Variants in DAPK3 observed in about 807,000 individuals in gnomAD.
The protein encoded by DAPK3 is death associated protein kinase 3.
A neutral mutation model predicts 30.6 loss-of-function variants in DAPK3; 24 were observed. The observed-to-expected ratio is 0.78, with a 90% CI of 0.57 to 1.10. The LOEUF (loss-of-function observed/expected upper bound fraction) is 1.10. Ranked by LOEUF, DAPK3 falls within the 50% of genes least tolerant of loss-of-function variation. The pLI is 0.00. For missense variants in DAPK3, 629 were observed against 657.3 expected (o/e 0.96, Z 0.47); for synonymous variants, 341 against 284.0 (o/e 1.20, Z -2.02).
At chr19:3,963,743 CCCCTGTTCTAGGG>C in intron 5 of DAPK3, 74 bp from the exon 6 acceptor site, 1 of 1,354,894 alleles carries the variant, frequency 7.4e-7, no homozygotes, top group Non-Finnish European at 1.0e-6. Flanking sequence ...GCGTCCAGCG[CCCCTGTTCTAGGG>C]CAACGGTCCC....
At position 3,969,846 on chromosome 19, in the gene DAPK3, A is replaced by G. The variant is rs1255286710; in HGVS notation, c.-94-17T>C. On this transcript the variant is annotated splice_polypyrimidine_tract_variant and intron_variant, in intron 1 of 8. Transcript: ENST00000545797. ...ATGGCAACCCTGGAGAAGACAGGGA[A>G]AGACAGAAGTGAGGAACTGAGACAC... 1.4e-6 allele frequency: 1 copy of G among 733,404 alleles called. No individual in the cohort carries two copies. Among genetic ancestry groups the G allele is most frequent in the Admixed American group, 2.1e-5 (1 of 47,918 alleles). The allele number at this position is 733,404 out of a possible 1,614,324, so 45.4% of individuals were successfully genotyped here. A position where few individuals can be genotyped will look rare whatever the true frequency, so the allele number is the denominator to read the frequency against.
At chr19:3,970,866 C>G (rs1024935211) in intron 1 of DAPK3, 55 bp downstream of exon 1, 1 of 153,018 alleles carries the variant, frequency 6.5e-6, no homozygotes, top group African/African-American at 2.4e-5. Context: ...GCCCCTCGCA[C>G]GCCCGGCCGA....
chr19:3,967,778 C>T (rs1314327472), intron 2 of DAPK3, among the ~76,000 whole-genome samples: 2 of 152,152 alleles, frequency 1.3e-5, no homozygotes, highest in African/African-American at 4.8e-5. Context: ...AAAATTGCTA[C>T]ATTCTGGGCC....
intron 4 of DAPK3, 78 bp downstream of exon 4, chr19:3,964,166 C>T: frequency 7.6e-7 from 1 of 1,307,850 alleles, no homozygotes; most frequent in East Asian, 2.5e-5. Flanking sequence ...CAGCACCGGG[C>T]ATGACCCACC....
chr19:3,966,180 C>G (rs2039575643), intron 2 of DAPK3, among the ~76,000 whole-genome samples: 1 of 152,168 alleles, frequency 6.6e-6, no homozygotes, highest in Non-Finnish European at 1.5e-5. Flanking sequence ...AACCTTCAAA[C>G]CAGGTGCTGC....
At chr19:3,960,957 AGTGGGCCTGTGTCCCAT>A in intron 7 of DAPK3, 35 bp downstream of exon 7, 1 of 1,590,612 alleles carries the variant, frequency 6.3e-7, no homozygotes, top group Non-Finnish European at 8.6e-7. Context: ...CCGTGGGTGG[AGTGGGCCTGTGTCCCAT>A]GTCCCACCCC....
At chr19:3,966,377 G>A (rs1228910162) in intron 2 of DAPK3, among the ~76,000 whole-genome samples, 1 of 152,154 alleles carries the variant, frequency 6.6e-6, no homozygotes, top group Non-Finnish European at 1.5e-5. Context: ...AAGGGGACAC[G>A]ACTGGACCTG....
intron 7 of DAPK3, 54 bp from the exon 8 acceptor site, chr19:3,960,158 C>T (rs536184732): frequency 2.9e-5 from 29 of 995,732 alleles, no homozygotes; most frequent in East Asian, 2.7e-4. Flanking sequence ...CCCGTCCTCC[C>T]GTGAACAACT....
Position 3,960,075 on chromosome 19 carries a change from TC to T in DAPK3, c.811del (p.Glu271AsnfsTer27). 6.4e-7 allele frequency: 1 copy of T among 1,569,164 alleles called. No individual in the cohort carries two copies. The highest frequency in any genetic ancestry group is 8.8e-7 in the Non-Finnish European group (1 of 1,139,394). On this transcript the variant is annotated frameshift_variant, in exon 8 of 9. Coordinates refer to ENST00000545797, the MANE Select transcript of DAPK3 (RefSeq NM_001348.3). LOFTEE classifies it low-confidence loss of function (END_TRUNC). ...KRRMTIAQSLEHSWIKAIRRR... is the reference protein window; with the variant it reads ...KRRMTIAQSLXHSWIKAIRRR... ...CCCACTTACCTTAATCCAGGAATGT[TC>T]CAGGCTCTGGGCAATGGTCATTCTC... is the stretch of plus-strand genomic sequence containing the variant.
chr19:3,959,074 C>T lies in DAPK3; in HGVS notation c.*27G>A. The T allele has an allele frequency of 7.0e-7, 1 of 1,438,736 alleles. No individual in the cohort carries two copies. 89.1% of individuals were successfully genotyped at this position (1,438,736 alleles called of 1,614,324 possible). A position where few individuals can be genotyped will look rare whatever the true frequency, so the allele number is the denominator to read the frequency against. On this transcript the variant is annotated 3_prime_UTR_variant, in exon 9 of 9. Coordinates refer to ENST00000545797, the MANE Select transcript of DAPK3 (RefSeq NM_001348.3). The stretch of plus-strand genomic sequence containing the variant: ...CCACCGCAGGCCGAGCTCCGGCTGT[C>T]CTGGGGCCTGGCCCACCCCACTGCG...
intron 3 of DAPK3, 125 bp from the exon 4 acceptor site, chr19:3,964,498 C>G: frequency 8.7e-7 from 1 of 1,145,960 alleles, no homozygotes; most frequent in Admixed American, 2.5e-5. Context: ...CTCACCCCCA[C>G]GCTCCCCAAA....
At position 3,964,936 on chromosome 19, in the gene DAPK3, C is replaced by CGTACTCCTT; in HGVS notation, c.109_117dup (p.Lys37_Tyr39dup). On this transcript the variant is annotated inframe_insertion, in exon 3 of 9. Coordinates refer to ENST00000545797, the MANE Select transcript of DAPK3 (RefSeq NM_001348.3). The stretch of plus-strand genomic sequence containing the variant: ...CGGCGCTTCTTGATGAACTTGGCTG[C>CGTACTCCTT]GTACTCCTTGCCCGTGCCCTTCTGC... The CGTACTCCTT allele has an allele frequency of 6.2e-7, 1 of 1,611,986 alleles. No homozygotes were observed. Among genetic ancestry groups the CGTACTCCTT allele is most frequent in the Non-Finnish European group, 8.5e-7 (1 of 1,178,608 alleles).
intron 6 of DAPK3, among the ~76,000 whole-genome samples, chr19:3,962,857 T>C (rs1476978802): frequency 6.6e-6 from 1 of 150,922 alleles, no homozygotes; most frequent in Admixed American, 6.6e-5. Context: ...TCCCAGCACT[T>C]TGGGAAGCCG....
chr19:3,962,825 G>A (rs1449777915), intron 6 of DAPK3, among the ~76,000 whole-genome samples: 1 of 151,598 alleles, frequency 6.6e-6, no homozygotes, highest in Non-Finnish European at 1.5e-5. Flanking sequence ...AGCCAGCTGG[G>A]TGCAGCGGCC....
At chr19:3,964,568 TC>T in intron 3 of DAPK3, 62 bp downstream of exon 3, 2 of 1,321,028 alleles carry the variant, frequency 1.5e-6, no homozygotes. Flanking sequence ...TCCAGGCTCT[TC>T]CCCGCCCCAT....
intron 2 of DAPK3, among the ~76,000 whole-genome samples, chr19:3,968,595 G>A (rs2039603205): frequency 6.6e-6 from 1 of 152,166 alleles, no homozygotes; most frequent in African/African-American, 2.4e-5. Context: ...AAATCGGCGA[G>A]TTAAAAGAAA....
At chr19:3,966,456 T>C (rs2039578146) in intron 2 of DAPK3, among the ~76,000 whole-genome samples, 1 of 152,188 alleles carries the variant, frequency 6.6e-6, no homozygotes, top group South Asian at 2.1e-4. Flanking sequence ...GAACGCCTGC[T>C]GGGAAGAGAG....
rs191455077 is a variant in DAPK3 at position 3,966,604 on chromosome 19, G to A, written c.63-1613C>T. ...ACCAGGCACTGCGGGTGGCACATAA[G>A]CCCCGTCATTCACTCTGCCAGGGCG... On this transcript the variant is annotated intron_variant, in intron 2 of 8. Transcript: ENST00000545797. Among the ~76,000 whole-genome samples, 16 of 152,292 alleles carry A rather than the reference G, an allele frequency of 1.1e-4. No individual in the cohort carries two copies. The East Asian group carries it at 2.7e-3, about 26-fold the overall frequency.
intron 1 of DAPK3, chr19:3,970,053 C>A (rs971169130): frequency 2.6e-6 from 1 of 378,738 alleles, no homozygotes. Context: ...ACTGGGCCAC[C>A]TTCACCCCGC....
Sources: allele counts gnomAD v4.1 joint callset (sites outside exome capture counted in the v4.1 genomes callset), GRCh38; gene constraint gnomAD v4.1.1; transcripts MANE v1.5; gene names NCBI Gene and HGNC (gene_info 2026-07-23, HGNC 2026-07-21).